PALMD: variants seen among roughly 807,000 people sequenced by gnomAD.
The protein encoded by PALMD is palmdelphin.
Under a neutral mutation model 56.2 loss-of-function variants are expected in PALMD, and 42 were observed. That is an observed-to-expected ratio of 0.75 (90% confidence interval 0.58 to 0.97). The LOEUF is 0.97. PALMD is among the 50% of genes least tolerant of loss of function. The pLI, the probability that PALMD is intolerant of heterozygous loss-of-function variation, is 0.00. For synonymous variants in PALMD, 242 were observed against 222.9 expected (o/e 1.09, Z -0.76); for missense variants, 660 against 643.8 (o/e 1.03, Z -0.27).
intron 3 of PALMD, among the ~76,000 whole-genome samples, chr1:99,679,047 G>A (rs541733790): frequency 6.6e-6 from 1 of 152,072 alleles, no homozygotes; most frequent in Non-Finnish European, 1.5e-5. Context: ...CCATCGACCG[G>A]CCTCAGAGGC....
intron 1 of PALMD, among the ~76,000 whole-genome samples, chr1:99,650,285 GAAAAAAAAAAAAAAAA>G (rs200081370): frequency 7.7e-5 from 9 of 116,964 alleles, no homozygotes; most frequent in Admixed American, 8.4e-5. Flanking sequence ...TGCTCATAAT[GAAAAAAAAAAAAAAAA>G]AAAAAAAAAA....
In PALMD at chr1:99,689,512, A is replaced by T. The variant is rs754830651; in HGVS notation, c.1252A>T (p.Met418Leu). 5.0e-6 allele frequency: 8 copies of T among 1,613,734 alleles called. No individual in the cohort carries two copies. In the Admixed American group the frequency reaches 1.2e-4, roughly 24 times the overall value. Residue 418 changes from methionine (M) to leucine (L), a missense_variant, in exon 7 of 8, where the codon ATG becomes TTG. Coordinates refer to ENST00000263174, the MANE Select transcript of PALMD (RefSeq NM_017734.5). ...TACAGAACCGGTGACAATGATTTTC[A>T]TGGGGTATCAGCAGGCAGAAGACAG... ...NDTEPVTMIF[M>L]GYQQAEDSEE...
intron 1 of PALMD, among the ~76,000 whole-genome samples, chr1:99,654,866 G>A (rs1298621481): frequency 6.6e-6 from 1 of 152,014 alleles, no homozygotes; most frequent in African/African-American, 2.4e-5. Flanking sequence ...GGATAAATAA[G>A]GAATTAGCTG....
intron 2 of PALMD, among the ~76,000 whole-genome samples, chr1:99,664,829 A>G (rs1652924751): frequency 6.6e-6 from 1 of 152,158 alleles, no homozygotes; most frequent in Non-Finnish European, 1.5e-5. Flanking sequence ...ACTATACTTC[A>G]GTGACACACA....
intron 3 of PALMD, among the ~76,000 whole-genome samples, chr1:99,680,616 C>T (rs1013703730): frequency 6.6e-6 from 1 of 152,070 alleles, no homozygotes. Flanking sequence ...GTAATACCTT[C>T]TAAAGATGGG....
rs56957907 is a variant in PALMD, at chr1:99,681,105, A to ATGTG, written c.252-5543_252-5540dup. ...TATATACATATATGTGTGTGTATAT[A>ATGTG]TGTGTGTGTGTGTGTGTGTGTGTGT... On this transcript the variant is annotated intron_variant, in intron 3 of 7. Transcript: ENST00000263174. Among the ~76,000 whole-genome samples, 862 of 148,842 alleles carry ATGTG rather than the reference A, an allele frequency of 5.8e-3. 2 individuals carry two copies. The highest frequency in any genetic ancestry group is 8.9e-3 in the Non-Finnish European group (599 of 67,230).
In PALMD at chr1:99,694,213, T is replaced by C. The variant is rs1054165181; in HGVS notation, c.*151T>C. 3 of 475,906 alleles carry C rather than the reference T, an allele frequency of 6.3e-6. No individual in the cohort carries two copies. The highest frequency in any genetic ancestry group is 7.5e-6 in the Non-Finnish European group (2 of 267,052). The allele number at this position is 475,906 out of a possible 1,614,324, so 29.5% of individuals were successfully genotyped here. A position where few individuals can be genotyped will look rare whatever the true frequency, so the allele number is the denominator to read the frequency against. On this transcript the variant is annotated 3_prime_UTR_variant, in exon 8 of 8. Transcript: ENST00000263174. The stretch of plus-strand genomic sequence containing the variant: ...AAGCCATGTGAATAAGTAGTAGTCA[T>C]TATTTGTGAAAAATTCCCAAAAAGC...
At chr1:99,665,836 C>T (rs1652947873) in intron 2 of PALMD, among the ~76,000 whole-genome samples, 1 of 152,150 alleles carries the variant, frequency 6.6e-6, no homozygotes, top group Non-Finnish European at 1.5e-5. Context: ...TTCAGAGTTT[C>T]TTAGCATCTT....
At chr1:99,688,743 C>A in intron 6 of PALMD, 32 bp from the exon 7 acceptor site, 1 of 1,469,504 alleles carries the variant, frequency 6.8e-7, no homozygotes, top group Non-Finnish European at 9.2e-7. Flanking sequence ...GAAAAGTTAA[C>A]TAAATCAAAG....
intron 3 of PALMD, among the ~76,000 whole-genome samples, chr1:99,679,062 C>T (rs1197851423): frequency 6.6e-6 from 1 of 151,964 alleles, no homozygotes; most frequent in Non-Finnish European, 1.5e-5. Flanking sequence ...AGAGGCACAT[C>T]AGTAGTGGCA....
At chr1:99,655,334 T>C (rs1652698078) in intron 1 of PALMD, among the ~76,000 whole-genome samples, 2 of 152,164 alleles carry the variant, frequency 1.3e-5, no homozygotes, top group Admixed American at 1.3e-4. Flanking sequence ...ATGTTATTAT[T>C]AAAACCGTCT....
At position 99,689,518 on chromosome 1, in the gene PALMD, T is replaced by C. The variant is rs746018019; in HGVS notation, c.1258T>C (p.Tyr420His). ...ACCGGTGACAATGATTTTCATGGGGTATCAGCAGGCAGAAGACAGTGAAGA... is the reference window on the plus strand; with the variant it reads ...ACCGGTGACAATGATTTTCATGGGGCATCAGCAGGCAGAAGACAGTGAAGA... ...TEPVTMIFMGYQQAEDSEEDK... is the reference protein window; with the variant it reads ...TEPVTMIFMGHQQAEDSEEDK... The change falls in exon 7 of 8, where the codon TAT becomes CAT. Residue 420 changes from tyrosine (Y) to histidine (H), a missense_variant. By Grantham distance (83) the Tyr-to-His change is moderately conservative. Transcript: ENST00000263174. The C allele has an allele frequency of 1.9e-6, 3 of 1,613,502 alleles. No homozygotes were observed. Among genetic ancestry groups the C allele is most frequent in the African/African-American group, 1.3e-5 (1 of 74,800 alleles).
chr1:99,680,928 C>CA (rs1653326709), intron 3 of PALMD, among the ~76,000 whole-genome samples: 1 of 151,568 alleles, frequency 6.6e-6, no homozygotes, highest in Non-Finnish European at 1.5e-5. Flanking sequence ...TTTTCCAAGA[C>CA]AAAAAATTGC....
chr1:99,650,631 G>T (rs1652559751), intron 1 of PALMD, among the ~76,000 whole-genome samples: 1 of 152,186 alleles, frequency 6.6e-6, no homozygotes, highest in Admixed American at 6.5e-5. Context: ...AAGACCTGCT[G>T]TGTGATTTGT....
rs558371654 is a variant in PALMD at position 99,676,716 on chromosome 1, T to C, written c.251+8950T>C. Among the ~76,000 whole-genome samples, 5 of 152,268 alleles carry C rather than the reference T, an allele frequency of 3.3e-5. No individual in the cohort carries two copies. In the South Asian group the frequency reaches 1.0e-3, roughly 32 times the overall value. ...CTTAGTGAAGAAAATATGCCTGACA[T>C]ATAATAGGTCCTTAATAAAGGTTTG... On this transcript the variant is annotated intron_variant, in intron 3 of 7. Coordinates refer to ENST00000263174, the MANE Select transcript of PALMD (RefSeq NM_017734.5).
chr1:99,663,797 G>A (rs901126446), intron 2 of PALMD, among the ~76,000 whole-genome samples: 3 of 152,082 alleles, frequency 2.0e-5, no homozygotes, highest in East Asian at 1.9e-4. Context: ...AGTAAGTTTC[G>A]CATGAGAAGC....
In PALMD at chr1:99,655,168, T is replaced by A. The variant is rs974089256; in HGVS notation, c.46-7151T>A. ...AAGAATTATTTGATAAAACTTCAGA[T>A]ACATAGTTAAAAATTTAGAAAAACA... On this transcript the variant is annotated intron_variant, in intron 1 of 7. Transcript: ENST00000263174. 2.6e-5 allele frequency among the ~76,000 whole-genome samples: 4 copies of A among 152,230 alleles called. No individual in the cohort carries two copies. The East Asian group carries it at 7.7e-4, about 29-fold the overall frequency.
intron 3 of PALMD, among the ~76,000 whole-genome samples, chr1:99,678,112 A>ATTT (rs749171548): frequency 7.3e-6 from 1 of 137,404 alleles, no homozygotes; most frequent in African/African-American, 2.7e-5. Flanking sequence ...GTCCTTTTCT[A>ATTT]TTTTTTTTTT....
chr1:99,688,238 C>T (rs1653558874), intron 6 of PALMD, among the ~76,000 whole-genome samples: 2 of 152,244 alleles, frequency 1.3e-5, no homozygotes, highest in Non-Finnish European at 2.9e-5. Flanking sequence ...TACATTTAAA[C>T]AGCCTCTCCA....
Sources: allele counts gnomAD v4.1 joint callset (sites outside exome capture counted in the v4.1 genomes callset), GRCh38; gene constraint gnomAD v4.1.1; transcripts MANE v1.5; gene names NCBI Gene and HGNC (gene_info 2026-07-23, HGNC 2026-07-21).